GPR174: variants seen among roughly 807,000 people sequenced by gnomAD.
The protein encoded by GPR174 is G protein-coupled receptor 174.
Under a neutral mutation model 16.5 loss-of-function variants are expected in GPR174, and 8 were observed. That is an observed-to-expected ratio of 0.48 (90% CI 0.28 to 0.87). The LOEUF is 0.87. Ranked by LOEUF, GPR174 falls within the 40% of genes least tolerant of loss-of-function variation. GPR174 has a pLI of 0.09. For missense variants in GPR174, 214 were observed against 247.5 expected, an observed-to-expected ratio of 0.86 and a Z score of 0.91; for synonymous variants, 111 against 94.8, an observed-to-expected ratio of 1.17 and a Z score of -0.99.
Position 79,156,812 on chromosome X carries a change from G to C in GPR174, c.-653-10G>C, listed in dbSNP as rs1382033147. Reference sequence around the variant, plus strand: ...CTGCACCTGACCACTGCTTTTCTATGTTTTTCAAGGCATGAATGAATTAAT... The same window carrying C: ...CTGCACCTGACCACTGCTTTTCTATCTTTTTCAAGGCATGAATGAATTAAT... On this transcript the variant is annotated splice_polypyrimidine_tract_variant and intron_variant, in intron 1 of 2. Transcript: ENST00000645147. The C allele has an allele frequency of 8.9e-6, 1 of 111,943 alleles. No homozygotes were observed. The highest frequency in any genetic ancestry group is 1.9e-5 in the Non-Finnish European group (1 of 53,200). 9.2% of individuals were successfully genotyped at this position (111,943 alleles called of 1,213,427 possible). A position where few individuals can be genotyped will look rare whatever the true frequency, so the allele number is the denominator to read the frequency against.
intron 1 of GPR174, among the ~76,000 whole-genome samples, chrX:79,149,316 C>T (rs1367133381): frequency 9.0e-6 from 1 of 110,676 alleles, no homozygotes; most frequent in African/African-American, 3.3e-5. Flanking sequence ...CCTTTTTTTC[C>T]CCTTTATTTT....
chrX:79,170,274 G>A (rs1921476241), intron 2 of GPR174, among the ~76,000 whole-genome samples, 178 bp from the exon 3 acceptor site: 1 of 111,347 alleles, frequency 9.0e-6, no homozygotes, highest in Non-Finnish European at 1.9e-5. Flanking sequence ...TACTTCTCAT[G>A]TTCTTTCAAG....
chrX:79,171,040 T>G lies in GPR174; in HGVS notation c.33T>G (p.Asp11Glu). The G allele has an allele frequency of 8.3e-7, 1 of 1,205,434 alleles. No individual in the cohort carries two copies. Among genetic ancestry groups the G allele is most frequent in the South Asian group, 1.8e-5 (1 of 55,654 alleles). The change falls in exon 3 of 3, where the codon GAT becomes GAG. Residue 11 changes from aspartate to glutamate, a missense_variant. Transcript: ENST00000645147. ...CTAATTACACGTGTACCAGGCCAGA[T>G]GGAGACAATACAGATTTTCGATACT... MPANYTCTRPDGDNTDFRYFI... is the reference protein window; with the variant it reads MPANYTCTRPEGDNTDFRYFI...
intron 1 of GPR174, among the ~76,000 whole-genome samples, chrX:79,156,398 A>G (rs1434952108): frequency 8.9e-6 from 1 of 112,606 alleles, no homozygotes; most frequent in Non-Finnish European, 1.9e-5. Flanking sequence ...GTATTTAATA[A>G]TCAATGAAAC....
chrX:79,159,310 C>A (rs1921177255), intron 2 of GPR174, among the ~76,000 whole-genome samples: 1 of 110,932 alleles, frequency 9.0e-6, no homozygotes, highest in East Asian at 2.8e-4. Flanking sequence ...CAAAACAAAC[C>A]AAAACAGCAA....
intron 1 of GPR174, among the ~76,000 whole-genome samples, chrX:79,148,723 G>A (rs111521792): frequency 0.017 from 1,885 of 111,103 alleles, 30 homozygotes; most frequent in Middle Eastern, 0.023. Context: ...GTTTTGACTC[G>A]TCTGGAACTC....
chrX:79,161,432 C>A (rs1921231340), intron 2 of GPR174, among the ~76,000 whole-genome samples: 2 of 112,353 alleles, frequency 1.8e-5, no homozygotes, highest in Admixed American at 9.4e-5. Flanking sequence ...ATTAACAATT[C>A]TTTTATTTAT....
At chrX:79,167,863 A>G (rs1921414622) in intron 2 of GPR174, among the ~76,000 whole-genome samples, 3 of 112,031 alleles carry the variant, frequency 2.7e-5, no homozygotes, top group African/African-American at 9.7e-5. Flanking sequence ...CATGAAATTG[A>G]CCTTTGAGGG....
chrX:79,146,728 G>A (rs958188303), intron 1 of GPR174, among the ~76,000 whole-genome samples: 2 of 111,786 alleles, frequency 1.8e-5, no homozygotes, highest in Admixed American at 9.5e-5. Flanking sequence ...CATAAAATGA[G>A]TCATAGACTG....
At chrX:79,156,696 T>C (rs1024860567) in intron 1 of GPR174, 126 bp from the exon 2 acceptor site, 5 of 112,321 alleles carry the variant, frequency 4.5e-5, no homozygotes, top group Admixed American at 1.9e-4. Context: ...TGTAACTCTC[T>C]ATACTCTCCT....
Position 79,172,320 on chromosome X carries a change from C to T in GPR174, c.*311C>T, listed in dbSNP as rs959005593. 1 of 224,624 alleles carries T rather than the reference C, an allele frequency of 4.5e-6. No homozygotes were observed. The highest frequency in any genetic ancestry group is 6.2e-5 in the Admixed American group (1 of 16,094). The allele number at this position is 224,624 out of a possible 1,213,427, so 18.5% of individuals were successfully genotyped here. ...TACTTTTACCTGTGAACCTCAGGCA[C>T]AAAAAGATTATTAGCTTGGAGTCAC... is the stretch of plus-strand genomic sequence containing the variant. On this transcript the variant is annotated 3_prime_UTR_variant, in exon 3 of 3. Coordinates refer to ENST00000645147, the MANE Select transcript of GPR174 (RefSeq NM_032553.3).
rs1921489910 is a variant in GPR174, at chrX:79,170,688, G to T, written c.-320G>T. 2 of 243,867 alleles carry T rather than the reference G, an allele frequency of 8.2e-6. No homozygotes were observed. Among genetic ancestry groups the T allele is most frequent in the Non-Finnish European group, 1.4e-5 (2 of 138,127 alleles). 20.1% of individuals were successfully genotyped at this position (243,867 alleles called of 1,213,427 possible). Reference sequence around the variant, plus strand: ...ATATGGTACATTCCTTTTCCAAATGGGAGAGAATAAGCTCTCATGATGTCC... The same window carrying T: ...ATATGGTACATTCCTTTTCCAAATGTGAGAGAATAAGCTCTCATGATGTCC... On this transcript the variant is annotated 5_prime_UTR_variant, in exon 3 of 3. An upstream open reading frame in the 5' UTR gains an earlier in-frame stop. Transcript: ENST00000645147.
chrX:79,148,615 C>A (rs772419868), intron 1 of GPR174, among the ~76,000 whole-genome samples: 3 of 111,263 alleles, frequency 2.7e-5, no homozygotes, highest in Admixed American at 9.5e-5. Context: ...TCCCCTCGGA[C>A]TCAGATGACT....
chrX:79,165,230 T>C (rs1163935623), intron 2 of GPR174, among the ~76,000 whole-genome samples: 3 of 107,959 alleles, frequency 2.8e-5, no homozygotes, highest in Non-Finnish European at 5.7e-5. Flanking sequence ...TTTTGGACAA[T>C]GTATTGTGAA....
intron 2 of GPR174, among the ~76,000 whole-genome samples, chrX:79,158,709 T>C (rs1483087768): frequency 9.4e-6 from 1 of 106,860 alleles, no homozygotes; most frequent in Non-Finnish European, 1.9e-5. Context: ...GCCCAAGTGC[T>C]GGGATTACAG....
chrX:79,151,920 C>T (rs1926608555), intron 1 of GPR174, among the ~76,000 whole-genome samples: 1 of 111,397 alleles, frequency 9.0e-6, no homozygotes, highest in South Asian at 3.7e-4. Flanking sequence ...TTGCCTTAAA[C>T]AGAATCACCA....
chrX:79,170,800 A>G lies in GPR174; in HGVS notation c.-208A>G. 2.4e-6 allele frequency: 1 copy of G among 418,984 alleles called. No homozygotes were observed. The highest frequency in any genetic ancestry group is 4.2e-5 in the South Asian group (1 of 24,050). The allele number at this position is 418,984 out of a possible 1,213,427, so 34.5% of individuals were successfully genotyped here. Reference sequence around the variant, plus strand: ...CTAGACTTCCATGTAGTTACTCTAGAGAAATCTAAATCAAAAATGCAGATC... The same window carrying G: ...CTAGACTTCCATGTAGTTACTCTAGGGAAATCTAAATCAAAAATGCAGATC... On this transcript the variant is annotated 5_prime_UTR_variant, in exon 3 of 3. Coordinates refer to ENST00000645147, the MANE Select transcript of GPR174 (RefSeq NM_032553.3).
chrX:79,147,904 G>GTATA (rs1926533441), intron 1 of GPR174, among the ~76,000 whole-genome samples: 1 of 111,775 alleles, frequency 8.9e-6, no homozygotes, highest in African/African-American at 3.3e-5. Flanking sequence ...GGTTCTTCTG[G>GTATA]TATAGTCTTT....
rs770286029 is a variant in GPR174, at chrX:79,154,935, G to T, written c.-653-1887G>T. The stretch of plus-strand genomic sequence containing the variant: ...AGTTTTGAAGTATATGGCTATCCTG[G>T]AAAAAAAATAATGAAGTGACTCTCT... On this transcript the variant is annotated intron_variant, in intron 1 of 2. Transcript: ENST00000645147. Among the ~76,000 whole-genome samples, 115 of 110,597 alleles carry T rather than the reference G, an allele frequency of 1.0e-3. 1 individual carries two copies. Among genetic ancestry groups the T allele is most frequent in the African/African-American group, 3.7e-3 (114 of 30,487 alleles).
Sources: allele counts gnomAD v4.1 joint callset (sites outside exome capture counted in the v4.1 genomes callset), GRCh38; gene constraint gnomAD v4.1.1; transcripts MANE v1.5; gene names NCBI Gene and HGNC (gene_info 2026-07-23, HGNC 2026-07-21).